Variants in G2E3 observed in about 807,000 individuals in gnomAD.
G2E3 encodes the protein G2/M phase-specific E3 ubiquitin-protein ligase.
G2E3 carries 35 observed loss-of-function variants against 92.8 expected under a neutral mutation model. The ratio of observed to expected loss-of-function variants is 0.38; its 90% CI spans 0.29 to 0.50. The LOEUF (loss-of-function observed/expected upper bound fraction) is 0.50, where lower values mean the gene tolerates loss of function less well. G2E3 is among the 20% of genes least tolerant of loss of function. The pLI, the probability that G2E3 is intolerant of heterozygous loss-of-function variation, is 0.94. For synonymous variants in G2E3, 242 were observed against 272.4 expected (o/e 0.89, Z 1.10); for missense variants, 554 against 823.8 (o/e 0.67, Z 4.01).
At chr14:30,581,758 C>T (rs1319913204) in intron 2 of G2E3, among the ~76,000 whole-genome samples, 1 of 152,112 alleles carries the variant, frequency 6.6e-6, no homozygotes, top group Non-Finnish European at 1.5e-5. Flanking sequence ...TACGTGCTCA[C>T]AACAATCTTC....
chr14:30,613,773 CTAT>C (rs1400195163), intron 13 of G2E3, among the ~76,000 whole-genome samples: 1 of 151,490 alleles, frequency 6.6e-6, no homozygotes, highest in African/African-American at 2.4e-5. Flanking sequence ...TTCAGATTCT[CTAT>C]TGCATGATTT....
rs551864945 is a variant in G2E3 at position 30,619,104 on chromosome 14, A to G, written c.*2570A>G. On this transcript the variant is annotated 3_prime_UTR_variant, in exon 15 of 15. Coordinates refer to ENST00000206595, the MANE Select transcript of G2E3 (RefSeq NM_017769.5). Reference sequence around the variant, plus strand: ...AACACCTTTTATACAATTCTCTACTATTCAAGATATTCTTTAAAATATCTC... The same window carrying G: ...AACACCTTTTATACAATTCTCTACTGTTCAAGATATTCTTTAAAATATCTC... 4 of 152,200 alleles carry G rather than the reference A, an allele frequency of 2.6e-5. No individual in the cohort carries two copies. The highest frequency in any genetic ancestry group is 1.9e-4 in the East Asian group (1 of 5,188). 9.4% of individuals were successfully genotyped at this position (152,200 alleles called of 1,614,324 possible). A position where few individuals can be genotyped will look rare whatever the true frequency, so the allele number is the denominator to read the frequency against.
intron 2 of G2E3, among the ~76,000 whole-genome samples, chr14:30,585,600 TAGTCTAG>T (rs1880670312): frequency 6.6e-6 from 1 of 151,930 alleles, no homozygotes; most frequent in Non-Finnish European, 1.5e-5. Flanking sequence ...TTTTTTTGGT[TAGTCTAG>T]TTAAAGGTTT....
At chr14:30,562,421 G>C (rs1879158576) in intron 1 of G2E3, among the ~76,000 whole-genome samples, 1 of 152,198 alleles carries the variant, frequency 6.6e-6, no homozygotes, top group African/African-American at 2.4e-5. Context: ...ATAGTGAGAA[G>C]TGACCAGAAG....
chr14:30,605,362 T>G (rs1393194197), intron 10 of G2E3, 143 bp from the exon 11 acceptor site: 1 of 444,696 alleles, frequency 2.2e-6, no homozygotes, highest in African/African-American at 2.0e-5. Context: ...TAGCAGCCAT[T>G]GTTACAATTT....
At chr14:30,575,980 A>G (rs111683627) in intron 1 of G2E3, among the ~76,000 whole-genome samples, 2,548 of 152,292 alleles carry the variant, frequency 0.017, 91 homozygotes, top group African/African-American at 0.058. Flanking sequence ...TTCCTGTCAA[A>G]CTACCAACAA....
At chr14:30,590,398 G>A (rs1880939777) in intron 4 of G2E3, 1 of 241,766 alleles carries the variant, frequency 4.1e-6, no homozygotes, top group South Asian at 5.0e-5. Flanking sequence ...AAGGGTAAAT[G>A]TCATTAGGCT....
chr14:30,604,582 ATGC>A (rs148435440), intron 10 of G2E3, among the ~76,000 whole-genome samples: 15 of 151,588 alleles, frequency 9.9e-5, no homozygotes, highest in South Asian at 4.2e-4. Flanking sequence ...TTCTGGGGTA[ATGC>A]TGCTGCTGCT....
chr14:30,604,706 CTT>C (rs1416306612), intron 10 of G2E3, among the ~76,000 whole-genome samples: 1 of 152,132 alleles, frequency 6.6e-6, no homozygotes, highest in Non-Finnish European at 1.5e-5. Flanking sequence ...TTAATTATGA[CTT>C]TATGATTTAA....
chr14:30,563,272 G>A (rs1303298868), intron 1 of G2E3, among the ~76,000 whole-genome samples: 1 of 151,924 alleles, frequency 6.6e-6, no homozygotes, highest in Non-Finnish European at 1.5e-5. Context: ...GATCACTTAA[G>A]ACAGTTGCCT....
At chr14:30,596,040 A>G (rs1480591906) in intron 6 of G2E3, among the ~76,000 whole-genome samples, 1 of 136,610 alleles carries the variant, frequency 7.3e-6, no homozygotes. Flanking sequence ...AGATCTTGGC[A>G]TCTGTCTGCA....
chr14:30,562,923 A>T (rs776143410), intron 1 of G2E3, among the ~76,000 whole-genome samples: 3 of 152,174 alleles, frequency 2.0e-5, no homozygotes, highest in Non-Finnish European at 4.4e-5. Flanking sequence ...ACGTGAACTT[A>T]CCTATCATTG....
At chr14:30,599,446 C>A (rs1357831436) in intron 8 of G2E3, among the ~76,000 whole-genome samples, 1 of 152,148 alleles carries the variant, frequency 6.6e-6, no homozygotes, top group African/African-American at 2.4e-5. Context: ...TCAGCCTGGT[C>A]TCAAATGCCT....
chr14:30,591,238 G>A (rs536398613), intron 4 of G2E3, among the ~76,000 whole-genome samples: 2 of 152,132 alleles, frequency 1.3e-5, no homozygotes, highest in South Asian at 2.1e-4. Flanking sequence ...CCTAGGTGGT[G>A]CTCAAAGGGG....
chr14:30,606,276 T>C (rs1881828905), intron 11 of G2E3, among the ~76,000 whole-genome samples: 2 of 152,194 alleles, frequency 1.3e-5, no homozygotes, highest in South Asian at 2.1e-4. Flanking sequence ...GATGGTTTTC[T>C]GTCTTCACTA....
chr14:30,605,587 T>A lies in G2E3; in HGVS notation c.1093T>A (p.Tyr365Asn), dbSNP rs769907590. The A allele has an allele frequency of 6.5e-7, 1 of 1,529,496 alleles. No individual in the cohort carries two copies. Among genetic ancestry groups the A allele is most frequent in the South Asian group, 1.2e-5 (1 of 86,088 alleles). The allele number at this position is 1,529,496 out of a possible 1,614,324, so 94.7% of individuals were successfully genotyped here. The change falls in exon 11 of 15, where the codon TAT (tyrosine) becomes AAT (asparagine). Residue 365 changes from tyrosine to asparagine, a missense_variant. Tyr to Asn is a moderately radical substitution (Grantham distance 143). This residue lies in a region of G2E3 where 397 missense variants were observed against 560.3 expected (regional missense o/e 0.71). Coordinates refer to ENST00000206595, the MANE Select transcript of G2E3 (RefSeq NM_017769.5). ...FQIKKKTKRL[Y>N]INKANIWNSA... is the part of the protein sequence containing the mutation. ...AATTAAAAAAAAAACTAAAAGATTG[T>A]ATATCAACAAAGCCAATATCTGGAA...
chr14:30,605,437 A>G (rs1475079554), intron 10 of G2E3, 68 bp from the exon 11 acceptor site: 2 of 583,630 alleles, frequency 3.4e-6, no homozygotes, highest in Non-Finnish European at 6.0e-6. Context: ...TTTATTGGCT[A>G]TATAACTGCT....
intron 1 of G2E3, among the ~76,000 whole-genome samples, chr14:30,571,467 AATTC>A (rs1879757665): frequency 6.6e-6 from 1 of 151,752 alleles, no homozygotes; most frequent in Admixed American, 6.6e-5. Flanking sequence ...TTTGATGTTT[AATTC>A]ATCAGTGTTT....
At chr14:30,605,957 A>T (rs997619656) in intron 11 of G2E3, 145 bp downstream of exon 11, 2 of 458,530 alleles carry the variant, frequency 4.4e-6, no homozygotes, top group Non-Finnish European at 7.6e-6. Flanking sequence ...ATCACAGGAA[A>T]GTGGGAAGGG....
Sources: allele counts gnomAD v4.1 joint callset (sites outside exome capture counted in the v4.1 genomes callset), GRCh38; gene constraint gnomAD v4.1.1; regional missense constraint gnomAD v4.1.1; transcripts MANE v1.5; gene names NCBI Gene and HGNC (gene_info 2026-07-23, HGNC 2026-07-21).